EYS: variants seen among roughly 807,000 people sequenced by gnomAD.
The protein encoded by EYS is EGF-like photoreceptor maintenance factor, also known as protein eyes shut homolog.
A neutral mutation model predicts 282.1 loss-of-function variants in EYS; 250 were observed. That is an observed-to-expected ratio of 0.89 (90% confidence interval 0.80 to 0.98). The LOEUF (loss-of-function observed/expected upper bound fraction) is 0.98. Ranked by LOEUF, EYS falls within the 50% of genes least tolerant of loss-of-function variation. EYS has a pLI of 0.00. For missense variants in EYS, 4,016 were observed against 3,709.0 expected (o/e 1.08, Z -2.15); for synonymous variants, 1,355 against 1,282.9 (o/e 1.06, Z -1.20).
intron 29 of EYS, among the ~76,000 whole-genome samples, chr6:64,373,575 G>C (rs1375685458): frequency 6.6e-6 from 1 of 152,212 alleles, no homozygotes; most frequent in Non-Finnish European, 1.5e-5. Flanking sequence ...GGTGTGGGTG[G>C]AGTTGCCTGC....
Position 64,230,753 on chromosome 6 carries a change from G to GT in EYS, c.6262dup (p.Thr2088AsnfsTer42). ...AGAGGGGCTGACAGAAGTCCACATG[G>GT]TATCAACCCCTTGTGTCACATCAGA... is the stretch of plus-strand genomic sequence containing the variant. On this transcript the variant is annotated frameshift_variant, in exon 31 of 43. Coordinates refer to ENST00000503581, the MANE Select transcript of EYS (RefSeq NM_001142800.2). LOFTEE classifies it high-confidence loss of function. 6.4e-7 allele frequency: 1 copy of GT among 1,551,538 alleles called. No individual in the cohort carries two copies. The highest frequency in any genetic ancestry group is 8.7e-7 in the Non-Finnish European group (1 of 1,146,886).
intron 30 of EYS, among the ~76,000 whole-genome samples, chr6:64,231,990 C>T (rs1236342295): frequency 6.6e-6 from 1 of 152,120 alleles, no homozygotes; most frequent in Admixed American, 6.5e-5. Flanking sequence ...TTCAAACATT[C>T]CCCAACTGAT....
chr6:65,697,167 A>C lies in EYS; in HGVS notation c.-448+9968T>G, dbSNP rs976740171. On this transcript the variant is annotated intron_variant, in intron 1 of 42. Transcript: ENST00000503581. ...GGTATGTTTTGTCTCTTAGTTTTAA[A>C]ATTATTATAATTAACAGTCTAATAA... is the stretch of plus-strand genomic sequence containing the variant. 2.6e-5 allele frequency among the ~76,000 whole-genome samples: 4 copies of C among 152,170 alleles called. 1 individual carries two copies. The South Asian group carries it at 8.3e-4, about 31-fold the overall frequency.
chr6:64,710,205 A>G (rs570867812), intron 22 of EYS, among the ~76,000 whole-genome samples: 2 of 152,364 alleles, frequency 1.3e-5, no homozygotes, highest in African/African-American at 4.8e-5. Flanking sequence ...TTAGACAGGT[A>G]AGAATTAATA....
intron 5 of EYS, among the ~76,000 whole-genome samples, chr6:65,410,403 T>G (rs955620657): frequency 3.9e-5 from 6 of 152,038 alleles, no homozygotes; most frequent in Non-Finnish European, 8.8e-5. Context: ...GCAAGAACAT[T>G]CAAAACCATC....
At chr6:64,075,557 C>A (rs376555604) in intron 32 of EYS, among the ~76,000 whole-genome samples, 1 of 151,956 alleles carries the variant, frequency 6.6e-6, no homozygotes, top group African/African-American at 2.4e-5. Flanking sequence ...CAAATTTCAC[C>A]AATTGTCTGT....
chr6:65,580,313 A>G (rs1249722306), intron 2 of EYS, among the ~76,000 whole-genome samples: 1 of 152,132 alleles, frequency 6.6e-6, no homozygotes, highest in Non-Finnish European at 1.5e-5. Context: ...AAACAACTAT[A>G]AATATTAAGG....
chr6:64,205,854 T>TAG (rs1765595426), intron 31 of EYS, among the ~76,000 whole-genome samples: 1 of 150,920 alleles, frequency 6.6e-6, no homozygotes, highest in Admixed American at 6.6e-5. Context: ...CATATATATA[T>TAG]ATAGAGAGAG....
chr6:65,151,107 A>G (rs1764600707), intron 12 of EYS, among the ~76,000 whole-genome samples: 1 of 152,028 alleles, frequency 6.6e-6, no homozygotes, highest in South Asian at 2.1e-4. Flanking sequence ...ATTTTTGACA[A>G]TGATTACATA....
intron 35 of EYS, among the ~76,000 whole-genome samples, chr6:63,866,391 C>T (rs1772672391): frequency 6.6e-6 from 1 of 152,114 alleles, no homozygotes; most frequent in South Asian, 2.1e-4. Flanking sequence ...TTGAGAGCTG[C>T]CTTCTGGAAG....
chr6:64,651,961 C>T (rs1768576679), intron 22 of EYS, among the ~76,000 whole-genome samples: 1 of 152,142 alleles, frequency 6.6e-6, no homozygotes, highest in Non-Finnish European at 1.5e-5. Flanking sequence ...TGTTAATTGG[C>T]ATACACTGGC....
chr6:64,676,561 C>G (rs1769692483), intron 22 of EYS, among the ~76,000 whole-genome samples: 1 of 151,942 alleles, frequency 6.6e-6, no homozygotes, highest in African/African-American at 2.4e-5. Flanking sequence ...AAACCTACAA[C>G]CAAAATTAAA....
intron 14 of EYS, among the ~76,000 whole-genome samples, chr6:64,964,502 C>T (rs1024286440): frequency 3.3e-5 from 5 of 151,848 alleles, no homozygotes; most frequent in African/African-American, 4.8e-5. Context: ...TGAGATAATT[C>T]GTATATTCTA....
intron 24 of EYS, among the ~76,000 whole-genome samples, chr6:64,595,763 C>T (rs1453154520): frequency 6.6e-6 from 1 of 152,080 alleles, no homozygotes; most frequent in African/African-American, 2.4e-5. Flanking sequence ...AACTACAAAA[C>T]ACTGATGCAA....
rs537042842 is a variant in EYS at position 65,104,514 on chromosome 6, TG to T, written c.2024-46788del. Among the ~76,000 whole-genome samples, 292 of 151,622 alleles carry T rather than the reference TG, an allele frequency of 1.9e-3. 2 individuals carry two copies. Among genetic ancestry groups the T allele is most frequent in the African/African-American group, 6.7e-3 (278 of 41,478 alleles). ...TGCAGATGTTGAAAAGTTTTTAAAA[TG>T]TAAGAATTTTTCTCATCATGGAAAA... On this transcript the variant is annotated intron_variant, in intron 12 of 42. Coordinates refer to ENST00000503581, the MANE Select transcript of EYS (RefSeq NM_001142800.2).
chr6:65,531,179 C>A (rs531741526), intron 2 of EYS, among the ~76,000 whole-genome samples: 1 of 151,986 alleles, frequency 6.6e-6, no homozygotes, highest in Non-Finnish European at 1.5e-5. Flanking sequence ...ATAAGGAATG[C>A]CACAGAGTTC....
At chr6:65,206,841 C>T (rs1766048502) in intron 12 of EYS, among the ~76,000 whole-genome samples, 1 of 151,666 alleles carries the variant, frequency 6.6e-6, no homozygotes, top group African/African-American at 2.4e-5. Flanking sequence ...AAGATGAAAA[C>T]CCTCAACAAA....
chr6:65,704,253 T>A lies in EYS; in HGVS notation c.-448+2882A>T, dbSNP rs114250312. On this transcript the variant is annotated intron_variant, in intron 1 of 42. Transcript: ENST00000503581. Reference sequence around the variant, plus strand: ...ATAGCACATTACATACAATAGTTTATGTAAGCTTCAACTCAACTAGATGAG... The same window carrying A: ...ATAGCACATTACATACAATAGTTTAAGTAAGCTTCAACTCAACTAGATGAG... Among the ~76,000 whole-genome samples, 755 of 152,336 alleles carry A rather than the reference T, an allele frequency of 5.0e-3. 6 individuals carry two copies. Among genetic ancestry groups the A allele is most frequent in the African/African-American group, 0.017 (712 of 41,566 alleles).
intron 28 of EYS, among the ~76,000 whole-genome samples, chr6:64,402,149 A>C (rs1362045967): frequency 6.6e-6 from 1 of 152,110 alleles, no homozygotes; most frequent in Non-Finnish European, 1.5e-5. Flanking sequence ...TCTAAGATCC[A>C]CCTATTACCT....
Sources: gnomAD v4.1 joint callset for allele counts (sites outside exome capture counted in the v4.1 genomes callset) on GRCh38, gnomAD v4.1.1 for gene constraint, MANE v1.5 for transcripts, NCBI Gene and HGNC (gene_info 2026-07-23, HGNC 2026-07-21) for gene names.